The following CTDSP1 variants were observed in gnomAD, a reference collection of about 807,000 sequenced individuals.
CTDSP1 encodes CTD small phosphatase 1.
CTDSP1 carries 15 observed loss-of-function variants against 32.5 expected under a neutral mutation model. The observed-to-expected ratio is 0.46, with a 90% CI of 0.31 to 0.71. The LOEUF (loss-of-function observed/expected upper bound fraction) is 0.71. Ranked by LOEUF, CTDSP1 falls within the 30% of genes least tolerant of loss-of-function variation. The probability of loss-of-function intolerance (pLI) is 0.05; values close to 1 mark genes in which losing one functional copy is unlikely to be tolerated. For missense variants in CTDSP1, 294 were observed against 351.1 expected, an observed-to-expected ratio of 0.84 and a Z score of 1.30; for synonymous variants, 185 against 145.4, an observed-to-expected ratio of 1.27 and a Z score of -1.96.
chr2:218,403,895 AC>A (rs1434514709), intron 6 of CTDSP1, among the ~76,000 whole-genome samples: 7 of 152,300 alleles, frequency 4.6e-5, no homozygotes, highest in Non-Finnish European at 8.8e-5. Flanking sequence ...CCTTATGTCT[AC>A]AAAAAATACA....
chr2:218,398,676 G>GCCCGC (rs544866112), upstream of CTDSP1: 5,908 of 339,302 alleles, frequency 0.017, 73 homozygotes, highest in Non-Finnish European at 0.024. Flanking sequence ...GACAGGACGC[G>GCCCGC]CCCGCCCCGC....
intron 6 of CTDSP1, 84 bp downstream of exon 6, chr2:218,403,501 A>T: frequency 7.6e-7 from 1 of 1,319,240 alleles, no homozygotes; most frequent in Non-Finnish European, 1.0e-6. Context: ...GGCCTCTTGG[A>T]TCCCCAGTTG....
At chr2:218,400,547 C>G in intron 1 of CTDSP1, 1 of 373,266 alleles carries the variant, frequency 2.7e-6, no homozygotes, top group African/African-American at 2.1e-5. Flanking sequence ...CCACCCCCCA[C>G]CCCCACCCCC....
At chr2:218,398,285 C>CAA (rs1491213954), upstream of CTDSP1, 5 of 851,450 alleles carry the variant, frequency 5.9e-6, no homozygotes, top group Non-Finnish European at 9.2e-6. Context: ...TCTTGAAACT[C>CAA]AGTTTCCTCA....
Position 218,399,871 on chromosome 2 carries a change from T to C in CTDSP1, c.-220T>C, listed in dbSNP as rs1463236591. ...ACGGCGCCTGGGTTCCATGTTTGCATCCGCCTCGCGGGAAGGAAACTCCAT... is the reference window on the plus strand; with the variant it reads ...ACGGCGCCTGGGTTCCATGTTTGCACCCGCCTCGCGGGAAGGAAACTCCAT... On this transcript the variant is annotated 5_prime_UTR_variant, in exon 1 of 7. Coordinates refer to ENST00000273062, the MANE Select transcript of CTDSP1 (RefSeq NM_021198.3). The C allele has an allele frequency of 2.4e-6, 3 of 1,244,796 alleles. No homozygotes were observed. The highest frequency in any genetic ancestry group is 3.0e-6 in the Non-Finnish European group (3 of 994,250). 77.1% of individuals were successfully genotyped at this position (1,244,796 alleles called of 1,614,324 possible).
At position 218,405,529 on chromosome 2, in the gene CTDSP1, C is replaced by T. The variant is rs963663881; in HGVS notation, c.*1104C>T. 3.9e-5 allele frequency: 6 copies of T among 153,004 alleles called. No homozygotes were observed. The highest frequency in any genetic ancestry group is 1.4e-4 in the African/African-American group (6 of 41,442). 9.5% of individuals were successfully genotyped at this position (153,004 alleles called of 1,614,324 possible). ...TCCTTCACCGGTGCCTTTGGGGGAT[C>T]TGTAGGAGGTGGGACCTTCTGTGGG... is the stretch of plus-strand genomic sequence containing the variant. On this transcript the variant is annotated 3_prime_UTR_variant, in exon 7 of 7. Transcript: ENST00000273062.
intron 1 of CTDSP1, chr2:218,400,511 T>G: frequency 2.6e-6 from 1 of 385,916 alleles, no homozygotes; most frequent in Non-Finnish European, 5.0e-6. Context: ...GGAGGGCGCC[T>G]ATGGGCCACC....
chr2:218,401,838 T>G (rs867022177), intron 2 of CTDSP1, 126 bp downstream of exon 2: 1 of 965,774 alleles, frequency 1.0e-6, no homozygotes, highest in Admixed American at 2.9e-5. Flanking sequence ...AGTAGGAGGG[T>G]GGCAGCCTCC....
chr2:218,400,233 G>C, intron 1 of CTDSP1, 76 bp downstream of exon 1: 1 of 1,382,026 alleles, frequency 7.2e-7, no homozygotes, highest in Middle Eastern at 2.3e-4. Context: ...TTCCCCAGGG[G>C]AGCCGCCGCC....
At chr2:218,398,638 C>G, upstream of CTDSP1, 1 of 425,796 alleles carries the variant, frequency 2.3e-6, no homozygotes, top group Non-Finnish European at 4.0e-6. Context: ...GGCGGACGTG[C>G]GCCGCGTCGC....
At chr2:218,398,142 G>A, upstream of CTDSP1, 2 of 511,084 alleles carry the variant, frequency 3.9e-6, no homozygotes. Context: ...TTGGGGTCAT[G>A]AGGGCCCCGC....
At chr2:218,403,471 C>A in intron 6 of CTDSP1, 54 bp downstream of exon 6, 1 of 1,489,602 alleles carries the variant, frequency 6.7e-7, no homozygotes, top group South Asian at 1.3e-5. Flanking sequence ...AGGAAGGGGT[C>A]AGTCCATTCA....
chr2:218,403,474 T>C, intron 6 of CTDSP1, 57 bp downstream of exon 6: 1 of 1,485,698 alleles, frequency 6.7e-7, no homozygotes. Context: ...AAGGGGTCAG[T>C]CCATTCAGGC....
upstream of CTDSP1, chr2:218,399,852 C>T: frequency 8.1e-7 from 1 of 1,230,410 alleles, no homozygotes; most frequent in Non-Finnish European, 1.0e-6. Context: ...TGAAACGGCG[C>T]CTGGGTTCCA....
intron 4 of CTDSP1, 41 bp from the exon 5 acceptor site, chr2:218,402,994 G>A (rs1559137613): frequency 6.7e-7 from 1 of 1,482,514 alleles, no homozygotes; most frequent in South Asian, 1.1e-5. Context: ...CCCCCACACT[G>A]CCCCACTGGC....
intron 1 of CTDSP1, chr2:218,400,741 C>T (rs942598420): frequency 1.9e-4 from 85 of 455,562 alleles, no homozygotes; most frequent in Non-Finnish European, 3.4e-4. Context: ...TCGCTTGGCG[C>T]CCGCGGGGAG....
intron 6 of CTDSP1, chr2:218,403,646 C>A (rs961671718): frequency 1.8e-5 from 8 of 449,342 alleles, no homozygotes; most frequent in African/African-American, 1.6e-4. Flanking sequence ...CACAGGGGCC[C>A]CCACAGGGCA....
At chr2:218,398,012 G>C (rs552174653), upstream of CTDSP1, among the ~76,000 whole-genome samples, 5 of 152,280 alleles carry the variant, frequency 3.3e-5, no homozygotes, top group South Asian at 1.0e-3. Flanking sequence ...GGGAATGGTG[G>C]GTGTGGGGAC....
upstream of CTDSP1, chr2:218,399,692 G>A (rs1016448564): frequency 1.0e-5 from 10 of 974,270 alleles, no homozygotes; most frequent in East Asian, 1.0e-3. Context: ...CCGGCGGGCG[G>A]CAGGAAGGGA....
Sources: gnomAD v4.1 joint callset for allele counts (sites outside exome capture counted in the v4.1 genomes callset) on GRCh38, gnomAD v4.1.1 for gene constraint, MANE v1.5 for transcripts, NCBI Gene and HGNC (gene_info 2026-07-23, HGNC 2026-07-21) for gene names.